BOD1L1: variants seen among roughly 807,000 people sequenced by gnomAD.
BOD1L1 encodes the protein biorientation of chromosomes in cell division 1 like 1.
Under a neutral mutation model 240.7 loss-of-function variants are expected in BOD1L1, and 86 were observed. The ratio of observed to expected loss-of-function variants is 0.36; its 90% confidence interval spans 0.30 to 0.43. The LOEUF (loss-of-function observed/expected upper bound fraction) is 0.43, where lower values mean the gene tolerates loss of function less well. BOD1L1 is among the 20% of genes least tolerant of loss of function. BOD1L1 has a pLI of 1.00. For synonymous variants in BOD1L1, 1,268 were observed against 1,272.3 expected, an observed-to-expected ratio of 1.00 and a Z score of 0.07; for missense variants, 3,554 against 3,643.5, an observed-to-expected ratio of 0.98 and a Z score of 0.63.
chr4:13,627,321 C>A (rs1397872696), intron 1 of BOD1L1, 24 bp downstream of exon 1: 2 of 1,263,044 alleles, frequency 1.6e-6, no homozygotes, highest in Non-Finnish European at 2.0e-6. Context: ...CCTCGCAGAC[C>A]CCCAAACCCG....
In BOD1L1 at chr4:13,613,055, T is replaced by C. The variant is rs930403334; in HGVS notation, c.1324+457A>G. Among the ~76,000 whole-genome samples, 2 of 152,204 alleles carry C rather than the reference T, an allele frequency of 1.3e-5. No homozygotes were observed. Among genetic ancestry groups the C allele is most frequent in the African/African-American group, 4.8e-5 (2 of 41,450 alleles). ...CTTGGCTGATTTTAATCTGAGCACC[T>C]TAACTGTAAACAACCATAGCTGTGA... On this transcript the variant is annotated intron_variant, in intron 5 of 25. Coordinates refer to ENST00000040738, the MANE Select transcript of BOD1L1 (RefSeq NM_148894.3). The surrounding 1 kb of genome is among the most constrained non-coding windows in gnomAD (Gnocchi z 4.0).
At chr4:13,594,066 G>A (rs765571768) in intron 12 of BOD1L1, among the ~76,000 whole-genome samples, 30 of 152,188 alleles carry the variant, frequency 2.0e-4, no homozygotes, top group Non-Finnish European at 3.8e-4. Flanking sequence ...GGATGAGGAA[G>A]AAGACATAAA....
chr4:13,593,574 G>C (rs1048169659), intron 12 of BOD1L1: 1 of 152,052 alleles, frequency 6.6e-6, no homozygotes, highest in Non-Finnish European at 1.5e-5. Flanking sequence ...TGGGGTGGGG[G>C]AAGAGATTGA....
In BOD1L1 at chr4:13,611,038, T is replaced by C; in HGVS notation, c.1387A>G (p.Thr463Ala). The C allele has an allele frequency of 6.2e-7, 1 of 1,612,254 alleles. No homozygotes were observed. The highest frequency in any genetic ancestry group is 8.5e-7 in the Non-Finnish European group (1 of 1,178,778). ...TQTSDSSEGK[T>A]KSVRHAYVHK... is the part of the protein sequence containing the mutation. ...ACATACGCATGCCGTACACTTTTTG[T>C]TTTTCCTTCACTAGAATCACTAGTT... Residue 463 changes from threonine to alanine, a missense_variant, in exon 6 of 26, where the codon ACA becomes GCA. Physicochemically the swap from Thr to Ala is moderately conservative, Grantham distance 58 (BLOSUM62 0). This residue lies in a region of BOD1L1 where 3,393 missense variants were observed against 3,427.1 expected (regional missense o/e 0.99). Coordinates refer to ENST00000040738, the MANE Select transcript of BOD1L1 (RefSeq NM_148894.3).
chr4:13,584,111 A>C (rs1467438932), intron 17 of BOD1L1, among the ~76,000 whole-genome samples: 1 of 152,232 alleles, frequency 6.6e-6, no homozygotes, highest in Non-Finnish European at 1.5e-5. Context: ...ATTACTTTTT[A>C]AGATTTTTAG....
chr4:13,587,343 G>A (rs1247092287), intron 16 of BOD1L1, among the ~76,000 whole-genome samples: 4 of 152,168 alleles, frequency 2.6e-5, no homozygotes, highest in African/African-American at 4.8e-5. Flanking sequence ...CACAGAATGG[G>A]TGTTAGAGGC....
In BOD1L1 at chr4:13,600,919, A is replaced by T; in HGVS notation, c.5981T>A (p.Val1994Asp). Residue 1994 changes from valine (V) to aspartate (D), a missense_variant, in exon 10 of 26, where the codon GTT becomes GAT. Val to Asp is a radical substitution (Grantham distance 152). Coordinates refer to ENST00000040738, the MANE Select transcript of BOD1L1 (RefSeq NM_148894.3). ...GCCAGTGGAAATAGTGGTATCTTCA[A>T]CTTTTTCGAGCTGACTGTCACTTTG... ...SDQSDSQLEK[V>D]EDTTISTGLV... 6.2e-7 allele frequency: 1 copy of T among 1,613,926 alleles called. No homozygotes were observed. The highest frequency in any genetic ancestry group is 8.5e-7 in the Non-Finnish European group (1 of 1,179,882).
chr4:13,588,593 T>C, intron 15 of BOD1L1, 129 bp downstream of exon 15: 2 of 703,564 alleles, frequency 2.8e-6, no homozygotes, highest in South Asian at 2.1e-5. Flanking sequence ...AAGTGACATG[T>C]GGAACTCTCA....
intron 25 of BOD1L1, among the ~76,000 whole-genome samples, chr4:13,573,513 C>A (rs1712426218): frequency 7.6e-6 from 1 of 131,088 alleles, no homozygotes; most frequent in African/African-American, 2.7e-5. Context: ...GAGCCTCTAT[C>A]TATCTATCTT....
At position 13,599,544 on chromosome 4, in the gene BOD1L1, GCT is replaced by G. The variant is rs1465788038; in HGVS notation, c.7354_7355del (p.Ser2452HisfsTer22). ...GPFAGRGQKE[S>X]TLHLINAEEK... is the part of the protein sequence containing the mutation. ...CTTCTGCATTTATGAGGTGTAAAGT[GCT>G]CTCTTTCTGTCCTCTTCCTGCAAAT... is the stretch of plus-strand genomic sequence containing the variant. On this transcript the variant is annotated frameshift_variant, in exon 10 of 26. Coordinates refer to ENST00000040738, the MANE Select transcript of BOD1L1 (RefSeq NM_148894.3). LOFTEE classifies it high-confidence loss of function. The G allele has an allele frequency of 6.2e-7, 1 of 1,613,904 alleles. No individual in the cohort carries two copies. The highest frequency in any genetic ancestry group is 1.3e-5 in the African/African-American group (1 of 74,930).
Position 13,614,412 on chromosome 4 carries a change from C to T in BOD1L1, c.958G>A (p.Asp320Asn). The T allele has an allele frequency of 6.3e-7, 1 of 1,587,464 alleles. No homozygotes were observed. Among genetic ancestry groups the T allele is most frequent in the Non-Finnish European group, 8.6e-7 (1 of 1,165,100 alleles). ...CTGTCTGGCTTCTTTTCACCTTTGTCTGTTGATTTATTTTTTTGCTCACTG... is the reference window on the plus strand; with the variant it reads ...CTGTCTGGCTTCTTTTCACCTTTGTTTGTTGATTTATTTTTTTGCTCACTG... ...ESSEQKNKST[D>N]KGEKKPDSNE... Residue 320 changes from aspartate (D) to asparagine (N), a missense_variant, in exon 4 of 26, where the codon GAC becomes AAC. Coordinates refer to ENST00000040738, the MANE Select transcript of BOD1L1 (RefSeq NM_148894.3).
chr4:13,601,703 C>T lies in BOD1L1; in HGVS notation c.5197G>A (p.Glu1733Lys), dbSNP rs1403875933. The T allele has an allele frequency of 3.7e-6, 6 of 1,614,040 alleles. No individual in the cohort carries two copies. In the Admixed American group the frequency reaches 1.0e-4, roughly 27 times the overall value. The change falls in exon 10 of 26, where the codon GAA becomes AAA. Residue 1733 changes from glutamate to lysine, a missense_variant. Around this residue, in one of 2 missense-constraint regions of BOD1L1, gnomAD observed 3,393 missense variants for 3,427.1 expected, o/e 0.99. Coordinates refer to ENST00000040738, the MANE Select transcript of BOD1L1 (RefSeq NM_148894.3). ...ATCACAAAGTTATCACTTCTGCCTT[C>T]TGCTCCTGTACATGTCACAGTGCCC... ...TEGTVTCTGA[E>K]GRSDNFVICS...
intron 9 of BOD1L1, among the ~76,000 whole-genome samples, chr4:13,605,680 A>G (rs1036313531): frequency 6.6e-6 from 1 of 152,186 alleles, no homozygotes; most frequent in African/African-American, 2.4e-5. Context: ...AACATAATAC[A>G]TGAAGGCAAT....
At chr4:13,577,691 A>C in intron 22 of BOD1L1, 60 bp from the exon 23 acceptor site, 1 of 1,289,568 alleles carries the variant, frequency 7.8e-7, no homozygotes, top group Non-Finnish European at 1.1e-6. Flanking sequence ...AAATTTCAAC[A>C]ATCAGCCTGG....
At chr4:13,592,281 C>T (rs1357442771) in intron 12 of BOD1L1, 6 of 260,226 alleles carry the variant, frequency 2.3e-5, no homozygotes, top group African/African-American at 4.5e-5. Context: ...AGTAAAAGAC[C>T]TTAATGTAGC....
intron 2 of BOD1L1, among the ~76,000 whole-genome samples, chr4:13,619,611 C>T (rs1338221309): frequency 6.6e-6 from 1 of 152,144 alleles, no homozygotes; most frequent in African/African-American, 2.4e-5. Flanking sequence ...CCTGCTTGCT[C>T]TCTTAGGGTC....
intron 1 of BOD1L1, among the ~76,000 whole-genome samples, chr4:13,623,182 A>T (rs932697190): frequency 6.7e-6 from 1 of 149,274 alleles, no homozygotes; most frequent in African/African-American, 2.5e-5. Context: ...CTTGTTGTCT[A>T]TTTTTTTTTT....
rs1214158434 is a variant in BOD1L1 at position 13,568,774 on chromosome 4, CAGTA to C, written c.*1233_*1236del. 1 of 151,928 alleles carries C rather than the reference CAGTA, an allele frequency of 6.6e-6. No individual in the cohort carries two copies. The highest frequency in any genetic ancestry group is 1.5e-5 in the Non-Finnish European group (1 of 67,902). 9.4% of individuals were successfully genotyped at this position (151,928 alleles called of 1,614,324 possible). A position where few individuals can be genotyped will look rare whatever the true frequency, so the allele number is the denominator to read the frequency against. ...ATTTTATAATTTATATATAAAATCT[CAGTA>C]AGAAACCATGTAAAATGACAGAAAT... is the stretch of plus-strand genomic sequence containing the variant. On this transcript the variant is annotated 3_prime_UTR_variant, in exon 26 of 26. Coordinates refer to ENST00000040738, the MANE Select transcript of BOD1L1 (RefSeq NM_148894.3).
Position 13,614,236 on chromosome 4 carries a change from C to T in BOD1L1, c.1134G>A (p.Lys378=). 6.5e-7 allele frequency: 1 copy of T among 1,530,630 alleles called. No homozygotes were observed. The allele number at this position is 1,530,630 out of a possible 1,614,324, so 94.8% of individuals were successfully genotyped here. Residue 378 remains lysine, a synonymous_variant, in exon 4 of 26, where the codon AAG becomes AAA. Transcript: ENST00000040738. ...CAACAGTTTTAGCTTTATTACTGTT[C>T]TTTTCTGAAGGAAGTTTTAAACTCT... The part of the protein sequence containing the change: ...EVESLKLPSE[K]NSNKAKTVEG...
Sources: gnomAD v4.1 joint callset for allele counts (sites outside exome capture counted in the v4.1 genomes callset) on GRCh38, gnomAD v4.1.1 for gene constraint, gnomAD v4.1.1 regional missense constraint, Gnocchi (gnomAD v3.1) non-coding constraint, MANE v1.5 for transcripts, NCBI Gene and HGNC (gene_info 2026-07-23, HGNC 2026-07-21) for gene names.